GPATCH1: variants seen among roughly 807,000 people sequenced by gnomAD.
The protein encoded by GPATCH1 is G patch domain-containing protein 1.
Under a neutral mutation model 114.9 loss-of-function variants are expected in GPATCH1, and 73 were observed. That is an observed-to-expected ratio of 0.64 (90% CI 0.53 to 0.77). GPATCH1 has a LOEUF of 0.77. Ranked by LOEUF, GPATCH1 falls within the 30% of genes least tolerant of loss-of-function variation. The pLI, the probability that GPATCH1 is intolerant of heterozygous loss-of-function variation, is 0.00. For synonymous variants in GPATCH1, 391 were observed against 428.4 expected (o/e 0.91, Z 1.08); for missense variants, 1,058 against 1,144.3 (o/e 0.92, Z 1.09).
At chr19:33,103,888 C>T (rs938043727) in intron 9 of GPATCH1, among the ~76,000 whole-genome samples, 7 of 151,910 alleles carry the variant, frequency 4.6e-5, no homozygotes, top group South Asian at 2.1e-4. Context: ...GGGTTCCTGG[C>T]GCTTCTCTGG....
chr19:33,104,213 G>A lies in GPATCH1; in HGVS notation c.1081-2482G>A, dbSNP rs371411044. Reference sequence around the variant, plus strand: ...AAATTAGCTGGGTGTGGTGGTATGTGCCTGTAGTCCTAGCCTCTTGGGGGC... The same window carrying A: ...AAATTAGCTGGGTGTGGTGGTATGTACCTGTAGTCCTAGCCTCTTGGGGGC... On this transcript the variant is annotated intron_variant, in intron 9 of 19. Transcript: ENST00000170564. Among the ~76,000 whole-genome samples the A allele has an allele frequency of 4.0e-5, 6 of 151,524 alleles. No individual in the cohort carries two copies. The East Asian group carries it at 1.2e-3, about 29-fold the overall frequency.
At chr19:33,117,556 A>T (rs766974596) in intron 15 of GPATCH1, among the ~76,000 whole-genome samples, 3 of 152,116 alleles carry the variant, frequency 2.0e-5, no homozygotes, top group Non-Finnish European at 4.4e-5. Context: ...GGCCTCCCAA[A>T]GTGCTGGAAT....
rs1599849452 is a variant in GPATCH1 at position 33,087,631 on chromosome 19, T to C, written c.74-503T>C. Among the ~76,000 whole-genome samples, 8 of 152,142 alleles carry C rather than the reference T, an allele frequency of 5.3e-5. No individual in the cohort carries two copies. The South Asian group carries it at 1.7e-3, about 32-fold the overall frequency. On this transcript the variant is annotated intron_variant, in intron 1 of 19. Coordinates refer to ENST00000170564, the MANE Select transcript of GPATCH1 (RefSeq NM_018025.3). ...GCCACCCCAGCTTCTGCGCCCTTCA[T>C]TTGAAGCCAGGAGATTTCAGTTTCA... is the stretch of plus-strand genomic sequence containing the variant.
rs75634301 is a variant in GPATCH1 at position 33,086,030 on chromosome 19, C to T, written c.74-2104C>T. 2.2e-3 allele frequency among the ~76,000 whole-genome samples: 328 copies of T among 152,274 alleles called. 6 individuals are homozygous for T. In the East Asian group the frequency reaches 0.034, roughly 16 times the overall value. ...TGGGACAGTTGGCAATGCCTGGAGA[C>T]CTTTTTGGTTGTCATGCCTGTGGGG... On this transcript the variant is annotated intron_variant, in intron 1 of 19. Transcript: ENST00000170564.
Position 33,097,887 on chromosome 19 carries a change from T to C in GPATCH1, c.985T>C (p.Tyr329His). 1 of 1,613,832 alleles carries C rather than the reference T, an allele frequency of 6.2e-7. No homozygotes were observed. Among genetic ancestry groups the C allele is most frequent in the Non-Finnish European group, 8.5e-7 (1 of 1,179,906 alleles). ...CTATGGCTGGACAGCACCCAGGCAG[T>C]ATAAAAACCAGAAAGGTAATTCGAC... Reference protein sequence around the residue: ...GLYGWTAPRQYKNQKESEKDL... With the variant: ...GLYGWTAPRQHKNQKESEKDL... Residue 329 changes from tyrosine (Y) to histidine (H), a missense_variant, in exon 8 of 20, where the codon TAT (tyrosine) becomes CAT (histidine). By Grantham distance (83) the Tyr-to-His change is moderately conservative. Around this residue, in one of 3 missense-constraint regions of GPATCH1, gnomAD observed 893 missense variants for 977.4 expected, o/e 0.91. Transcript: ENST00000170564.
chr19:33,125,015 A>G (rs567445856), intron 17 of GPATCH1, 90 bp from the exon 18 acceptor site: 2 of 1,352,178 alleles, frequency 1.5e-6, no homozygotes, highest in African/African-American at 2.9e-5. Flanking sequence ...TCTACACTAG[A>G]TGCCTGATTC....
intron 13 of GPATCH1, 96 bp from the exon 14 acceptor site, chr19:33,113,671 T>G: frequency 1.9e-6 from 2 of 1,030,982 alleles, no homozygotes; most frequent in Admixed American, 4.2e-5. Context: ...TTTTTAGTCA[T>G]GCAGAAGAGG....
intron 13 of GPATCH1, 41 bp downstream of exon 13, chr19:33,112,654 T>G: frequency 1.9e-6 from 3 of 1,551,576 alleles, no homozygotes; most frequent in Non-Finnish European, 2.6e-6. Flanking sequence ...AAATGTATTC[T>G]TGATATTAAA....
chr19:33,090,739 ACT>A, intron 2 of GPATCH1, 39 bp from the exon 3 acceptor site: 1 of 1,282,012 alleles, frequency 7.8e-7, no homozygotes, highest in Non-Finnish European at 1.1e-6. Flanking sequence ...AGACCCAAAT[ACT>A]CTCTAGGATT....
At chr19:33,089,579 C>T (rs1242550980) in intron 2 of GPATCH1, among the ~76,000 whole-genome samples, 1 of 151,550 alleles carries the variant, frequency 6.6e-6, no homozygotes, top group African/African-American at 2.4e-5. Flanking sequence ...GATTAATTCA[C>T]ATAGCAATTA....
intron 8 of GPATCH1, among the ~76,000 whole-genome samples, chr19:33,099,277 G>T (rs1343852798): frequency 6.6e-6 from 1 of 151,292 alleles, no homozygotes; most frequent in Non-Finnish European, 1.5e-5. Context: ...TAATATAAAT[G>T]ATATTTAATA....
chr19:33,090,309 T>A (rs951737153), intron 2 of GPATCH1, among the ~76,000 whole-genome samples: 2 of 152,200 alleles, frequency 1.3e-5, no homozygotes, highest in African/African-American at 2.4e-5. Context: ...GGATTCCTTC[T>A]GTTACTCTCT....
At chr19:33,107,307 C>G (rs1373974222) in intron 10 of GPATCH1, among the ~76,000 whole-genome samples, 1 of 152,122 alleles carries the variant, frequency 6.6e-6, no homozygotes, top group East Asian at 1.9e-4. Context: ...TCTGGAACTT[C>G]TGGCTTCCCA....
chr19:33,115,238 T>G (rs1374189555), intron 15 of GPATCH1, among the ~76,000 whole-genome samples: 2 of 133,462 alleles, frequency 1.5e-5, no homozygotes, highest in East Asian at 4.3e-4. Context: ...TTTTTTTTTT[T>G]TTTTTTTTTT....
In GPATCH1 at chr19:33,126,715, C is replaced by G. The variant is rs1339650216; in HGVS notation, c.2747C>G (p.Pro916Arg). ...QSDEETADVS[P>R]QELLRRLKSL... Reference sequence around the variant, plus strand: ...GACGAGGAAACCGCAGACGTGTCGCCCCAGGAGCTGCTGAGACGGTGGGTA... The same window carrying G: ...GACGAGGAAACCGCAGACGTGTCGCGCCAGGAGCTGCTGAGACGGTGGGTA... Residue 916 changes from proline (P) to arginine (R), a missense_variant, in exon 19 of 20, where the codon CCC becomes CGC. Physicochemically the swap from Pro to Arg is moderately radical, Grantham distance 103. Transcript: ENST00000170564. The G allele has an allele frequency of 1.2e-6, 2 of 1,612,722 alleles. No homozygotes were observed. The highest frequency in any genetic ancestry group is 1.7e-6 in the Non-Finnish European group (2 of 1,179,820).
chr19:33,114,256 C>A lies in GPATCH1; in HGVS notation c.2033C>A (p.Ser678Ter). 6.2e-7 allele frequency: 1 copy of A among 1,608,462 alleles called. No individual in the cohort carries two copies. The highest frequency in any genetic ancestry group is 1.1e-5 in the South Asian group (1 of 90,522). Reference protein sequence around the residue: ...KVSQHRGPDKSRKPSRWDTSK... With the variant: ...KVSQHRGPDK ...ATATCTATGTCCTGCCTTTCAGAATCAAGAAAACCATCCAGATGGGATACC... is the reference window on the plus strand; with the variant it reads ...ATATCTATGTCCTGCCTTTCAGAATAAAGAAAACCATCCAGATGGGATACC... The change falls in exon 15 of 20, where the codon TCA becomes TAA. Residue 678 changes from serine (S) to a stop codon, truncating the protein, a stop_gained. Coordinates refer to ENST00000170564, the MANE Select transcript of GPATCH1 (RefSeq NM_018025.3). LOFTEE classifies it high-confidence loss of function.
intron 11 of GPATCH1, among the ~76,000 whole-genome samples, chr19:33,111,208 T>G (rs1048330368): frequency 1.3e-5 from 2 of 151,060 alleles, no homozygotes; most frequent in South Asian, 4.2e-4. Context: ...ATTTTTTGTT[T>G]CCCGTCTCTA....
chr19:33,083,340 T>C (rs1252756764), intron 1 of GPATCH1, among the ~76,000 whole-genome samples: 1 of 151,260 alleles, frequency 6.6e-6, no homozygotes, highest in Non-Finnish European at 1.5e-5. Context: ...GCTCAGCTTC[T>C]TAAAGTGTTG....
intron 14 of GPATCH1, 60 bp from the exon 15 acceptor site, chr19:33,114,193 G>A (rs1181535820): frequency 8.6e-6 from 12 of 1,402,956 alleles, no homozygotes; most frequent in Non-Finnish European, 1.2e-5. Flanking sequence ...AAGAGCAGTG[G>A]TGAAGAACTG....
Sources: gnomAD v4.1 joint callset for allele counts (sites outside exome capture counted in the v4.1 genomes callset) on GRCh38, gnomAD v4.1.1 for gene constraint, gnomAD v4.1.1 regional missense constraint, MANE v1.5 for transcripts, NCBI Gene and HGNC (gene_info 2026-07-23, HGNC 2026-07-21) for gene names.